The following JPH1 variants were observed in gnomAD, a reference collection of about 807,000 sequenced individuals.
The protein encoded by JPH1 is junctophilin 1.
A neutral mutation model predicts 53.6 loss-of-function variants in JPH1; 12 were observed. The observed-to-expected ratio is 0.22, with a 90% CI of 0.14 to 0.36. JPH1 has a LOEUF of 0.36. Ranked by LOEUF, JPH1 falls within the 10% of genes least tolerant of loss-of-function variation. The pLI, the probability that JPH1 is intolerant of heterozygous loss-of-function variation, is 1.00. For missense variants in JPH1, 808 were observed against 905.5 expected, an observed-to-expected ratio of 0.89 and a Z score of 1.38; for synonymous variants, 375 against 363.8, an observed-to-expected ratio of 1.03 and a Z score of -0.35.
At chr8:74,249,421 C>G (rs1050173984) in intron 3 of JPH1, among the ~76,000 whole-genome samples, 7 of 152,146 alleles carry the variant, frequency 4.6e-5, no homozygotes, top group Non-Finnish European at 1.0e-4. Context: ...CACTCCTTTC[C>G]TATAGGACTT....
At position 74,271,638 on chromosome 8, in the gene JPH1, T is replaced by C. The variant is rs558603210; in HGVS notation, c.1140-12135A>G. Among the ~76,000 whole-genome samples, 53 of 152,344 alleles carry C rather than the reference T, an allele frequency of 3.5e-4. No homozygotes were observed. In the South Asian group the frequency reaches 7.5e-3, roughly 21 times the overall value. On this transcript the variant is annotated intron_variant, in intron 2 of 5. Transcript: ENST00000342232. ...TCTCTAGGATCCTGGTGGAAACTTG[T>C]AAAATGTATTTAAAATTTTGGACCT...
intron 2 of JPH1, among the ~76,000 whole-genome samples, chr8:74,296,325 T>C (rs1011189801): frequency 3.9e-5 from 6 of 152,108 alleles, no homozygotes; most frequent in Non-Finnish European, 8.8e-5. Context: ...TTTCCCAGAG[T>C]GGTATAAGCA....
intron 4 of JPH1, among the ~76,000 whole-genome samples, chr8:74,241,102 T>A (rs1226328085): frequency 6.6e-6 from 1 of 152,178 alleles, no homozygotes; most frequent in African/African-American, 2.4e-5. Flanking sequence ...CTCCTGTATA[T>A]GTTCTAATAT....
At chr8:74,254,980 T>G (rs571393503) in intron 3 of JPH1, among the ~76,000 whole-genome samples, 1 of 152,288 alleles carries the variant, frequency 6.6e-6, no homozygotes, top group East Asian at 1.9e-4. Context: ...CAAGGTAATT[T>G]ATAGATTCAA....
chr8:74,247,128 T>C (rs1004507004), intron 3 of JPH1, among the ~76,000 whole-genome samples: 3 of 152,228 alleles, frequency 2.0e-5, no homozygotes, highest in African/African-American at 4.8e-5. Context: ...TAGTCTGTCA[T>C]GGAGAAGCCC....
At chr8:74,293,914 C>A (rs888782157) in intron 2 of JPH1, among the ~76,000 whole-genome samples, 1 of 152,206 alleles carries the variant, frequency 6.6e-6, no homozygotes, top group Non-Finnish European at 1.5e-5. Flanking sequence ...TTGACACCAA[C>A]CTCCCACTCA....
rs1389862405 is a variant in JPH1, at chr8:74,237,009, A to C, written c.*42T>G. On this transcript the variant is annotated 3_prime_UTR_variant, in exon 6 of 6. Transcript: ENST00000342232. ...GCACCACTGCAGAGAACTGTGGGCT[A>C]ACACACCACTAGTTGTCAGGACTTC... The C allele has an allele frequency of 7.8e-6, 4 of 509,882 alleles. No individual in the cohort carries two copies. Among genetic ancestry groups the C allele is most frequent in the Non-Finnish European group, 1.4e-5 (4 of 284,862 alleles). 31.6% of individuals were successfully genotyped at this position (509,882 alleles called of 1,614,324 possible).
chr8:74,278,742 C>T (rs1275303442), intron 2 of JPH1, among the ~76,000 whole-genome samples: 3 of 152,268 alleles, frequency 2.0e-5, no homozygotes, highest in South Asian at 2.1e-4. Context: ...CTTTTCCCTT[C>T]ATGAGCGATG....
intron 2 of JPH1, among the ~76,000 whole-genome samples, chr8:74,265,933 G>A (rs542811433): frequency 2.0e-5 from 3 of 150,698 alleles, no homozygotes; most frequent in Non-Finnish European, 4.4e-5. Context: ...ACACCCATAA[G>A]GATGGCTACT....
intron 2 of JPH1, among the ~76,000 whole-genome samples, chr8:74,261,088 G>A (rs116119875): frequency 7.4e-4 from 113 of 152,244 alleles, no homozygotes; most frequent in African/African-American, 2.6e-3. Context: ...CTAAGAGTTC[G>A]GGGTGTAGTA....
At chr8:74,248,988 C>G (rs73686057) in intron 3 of JPH1, among the ~76,000 whole-genome samples, 2,138 of 152,270 alleles carry the variant, frequency 0.014, 66 homozygotes, top group African/African-American at 0.049. Context: ...CCCCTGGAGA[C>G]TCATATTGGG....
At chr8:74,254,960 G>C (rs990461686) in intron 3 of JPH1, among the ~76,000 whole-genome samples, 2,152 of 152,106 alleles carry the variant, frequency 0.014, 83 homozygotes, top group African/African-American at 0.05. Context: ...GTGAAAATGG[G>C]CATACTGCCC....
Position 74,245,064 on chromosome 8 carries a change from C to A in JPH1, c.1370G>T (p.Arg457Leu), listed in dbSNP as rs200903860. 4.3e-6 allele frequency: 7 copies of A among 1,613,258 alleles called. No individual in the cohort carries two copies. The East Asian group carries it at 8.9e-5, about 21-fold the overall frequency. ...PTPKESPHFYRKGTTPPRSPE... is the reference protein window; with the variant it reads ...PTPKESPHFYLKGTTPPRSPE... ...AGATCTTGGGGGTGTCGTGCCTTTG[C>A]GATAAAAATGAGGAGACTCCTTTGG... The change falls in exon 4 of 6, where the codon CGC becomes CTC. Residue 457 changes from arginine (R) to leucine (L), a missense_variant. Physicochemically the swap from Arg to Leu is moderately radical, Grantham distance 102 (BLOSUM62 -2). Around this residue, in one of 2 missense-constraint regions of JPH1, gnomAD observed 756 missense variants for 811.9 expected, o/e 0.93. Coordinates refer to ENST00000342232, the MANE Select transcript of JPH1 (RefSeq NM_020647.4).
chr8:74,301,935 C>T (rs1563418132), intron 2 of JPH1, among the ~76,000 whole-genome samples: 1 of 151,866 alleles, frequency 6.6e-6, no homozygotes, highest in Non-Finnish European at 1.5e-5. Flanking sequence ...TACATGGGTT[C>T]AAAAAAAATT....
rs1808285411 is a variant in JPH1, at chr8:74,320,601, CG to C, written c.379+307del. 2.0e-5 allele frequency among the ~76,000 whole-genome samples: 3 copies of C among 152,124 alleles called. No homozygotes were observed. The highest frequency in any genetic ancestry group is 4.4e-5 in the Non-Finnish European group (3 of 68,002). On this transcript the variant is annotated intron_variant, in intron 1 of 5. Coordinates refer to ENST00000342232, the MANE Select transcript of JPH1 (RefSeq NM_020647.4). This position sits in a 1 kb window ranked among gnomAD's most constrained non-coding sequence, Gnocchi z 4.4. ...CGTCCTCTCTCCAGCCCAACCCTCC[CG>C]GGCGGCGCTCCCTCCCGGTGGCAGC...
rs544521236 is a variant in JPH1, at chr8:74,235,933, G to A, written c.*1118C>T. On this transcript the variant is annotated 3_prime_UTR_variant, in exon 6 of 6. Coordinates refer to ENST00000342232, the MANE Select transcript of JPH1 (RefSeq NM_020647.4). ...AAAGAAAACAAGAAAGAGCAGAGCA[G>A]TTTATTAATAGCATCTTGCTTAACT... 1.5e-4 allele frequency: 23 copies of A among 152,340 alleles called. No homozygotes were observed. Among genetic ancestry groups the A allele is most frequent in the African/African-American group, 5.3e-4 (22 of 41,592 alleles). The allele number at this position is 152,340 out of a possible 1,614,324, so 9.4% of individuals were successfully genotyped here.
chr8:74,261,473 T>C (rs1272883084), intron 2 of JPH1, among the ~76,000 whole-genome samples: 1 of 152,124 alleles, frequency 6.6e-6, no homozygotes, highest in Non-Finnish European at 1.5e-5. Flanking sequence ...TTCTAAACCA[T>C]GGAGGATGCT....
intron 3 of JPH1, among the ~76,000 whole-genome samples, chr8:74,248,850 C>T (rs939039724): frequency 9.2e-5 from 14 of 152,114 alleles, no homozygotes; most frequent in Admixed American, 5.2e-4. Context: ...TGAGATGCAG[C>T]GGTTCATTAA....
chr8:74,279,675 T>C (rs968393083), intron 2 of JPH1, among the ~76,000 whole-genome samples: 5 of 152,216 alleles, frequency 3.3e-5, no homozygotes, highest in Admixed American at 3.3e-4. Context: ...TCACTTCTTA[T>C]ACAAAAATCT....
Sources: allele counts gnomAD v4.1 joint callset (sites outside exome capture counted in the v4.1 genomes callset), GRCh38; gene constraint gnomAD v4.1.1; regional missense constraint gnomAD v4.1.1; non-coding constraint Gnocchi (gnomAD v3.1); transcripts MANE v1.5; gene names NCBI Gene and HGNC (gene_info 2026-07-23, HGNC 2026-07-21).